NKAIN3: variants seen among roughly 807,000 people sequenced by gnomAD.
The protein encoded by NKAIN3 is sodium/potassium transporting ATPase interacting 3.
NKAIN3 carries 25 observed loss-of-function variants against 30.2 expected under a neutral mutation model. The observed-to-expected ratio is 0.83, with a 90% confidence interval of 0.60 to 1.16. NKAIN3 has a LOEUF of 1.16. NKAIN3 is among the 50% of genes most tolerant of loss of function. The pLI, the probability that NKAIN3 is intolerant of heterozygous loss-of-function variation, is 0.00. For synonymous variants in NKAIN3, 91 were observed against 89.6 expected (o/e 1.02, Z -0.09); for missense variants, 225 against 254.1 (o/e 0.89, Z 0.78).
chr8:62,915,530 A>T (rs942306394), intron 4 of NKAIN3, among the ~76,000 whole-genome samples: 1 of 152,196 alleles, frequency 6.6e-6, no homozygotes, highest in Non-Finnish European at 1.5e-5. Flanking sequence ...CATTTCAGAC[A>T]CCTGGCCTTC....
chr8:62,923,083 G>A (rs1234122295), intron 5 of NKAIN3, among the ~76,000 whole-genome samples: 1 of 152,140 alleles, frequency 6.6e-6, no homozygotes, highest in Non-Finnish European at 1.5e-5. Context: ...AATCACTTGA[G>A]CTCAGCAATT....
chr8:62,320,459 A>G (rs1585675709), intron 1 of NKAIN3, among the ~76,000 whole-genome samples: 1 of 152,116 alleles, frequency 6.6e-6, no homozygotes, highest in South Asian at 2.1e-4. Context: ...ATGTTTTTGC[A>G]GTGGCTGGTA....
Position 62,520,769 on chromosome 8 carries a change from G to T in NKAIN3, c.55-58770G>T, listed in dbSNP as rs532647457. Reference sequence around the variant, plus strand: ...TGGCTCCCATCTTAGACAGCCAAAGGCCTTTTATTTTACTCAGATTTAGTG... The same window carrying T: ...TGGCTCCCATCTTAGACAGCCAAAGTCCTTTTATTTTACTCAGATTTAGTG... On this transcript the variant is annotated intron_variant, in intron 1 of 6. Transcript: ENST00000623646. Among the ~76,000 whole-genome samples, 78 of 152,108 alleles carry T rather than the reference G, an allele frequency of 5.1e-4. 1 individual carries two copies. The South Asian group carries it at 0.011, about 22-fold the overall frequency.
chr8:62,589,676 A>G, intron 2 of NKAIN3, 38 bp from the exon 3 acceptor site: 1 of 928,052 alleles, frequency 1.1e-6, no homozygotes, highest in Non-Finnish European at 1.7e-6. Context: ...TCATCTCCAT[A>G]TTTTTCTTCT....
At chr8:62,359,987 G>C (rs1816495570) in intron 1 of NKAIN3, among the ~76,000 whole-genome samples, 1 of 152,164 alleles carries the variant, frequency 6.6e-6, no homozygotes, top group Admixed American at 6.5e-5. Context: ...AGCAACCTCA[G>C]CCACAATGTG....
At chr8:62,832,866 T>C (rs976385526) in intron 4 of NKAIN3, among the ~76,000 whole-genome samples, 1 of 152,002 alleles carries the variant, frequency 6.6e-6, no homozygotes, top group South Asian at 2.1e-4. Context: ...ACAGAATATT[T>C]CACCCATCAA....
rs185273789 is a variant in NKAIN3 at position 62,921,642 on chromosome 8, G to A, written c.532+3129G>A. Reference sequence around the variant, plus strand: ...GTGCTAGGTGGGGTCAGAGCTTCTCGTCATTCATTCTAATGAAAAAGCTTA... The same window carrying A: ...GTGCTAGGTGGGGTCAGAGCTTCTCATCATTCATTCTAATGAAAAAGCTTA... On this transcript the variant is annotated intron_variant, in intron 5 of 6. Transcript: ENST00000623646. 1.7e-3 allele frequency among the ~76,000 whole-genome samples: 262 copies of A among 152,148 alleles called. 1 individual carries two copies. Among genetic ancestry groups the A allele is most frequent in the African/African-American group, 6.0e-3 (250 of 41,512 alleles).
At chr8:62,505,967 A>G (rs544924333) in intron 1 of NKAIN3, among the ~76,000 whole-genome samples, 3 of 152,236 alleles carry the variant, frequency 2.0e-5, no homozygotes, top group Admixed American at 2.0e-4. Context: ...GAGGCAACCC[A>G]TATTCCTTGA....
At chr8:62,714,252 T>A (rs1814817985) in intron 3 of NKAIN3, among the ~76,000 whole-genome samples, 1 of 152,050 alleles carries the variant, frequency 6.6e-6, no homozygotes, top group African/African-American at 2.4e-5. Context: ...GCATTATTTT[T>A]AATGTATATG....
At chr8:62,929,625 C>A (rs1822558404) in intron 5 of NKAIN3, among the ~76,000 whole-genome samples, 1 of 152,140 alleles carries the variant, frequency 6.6e-6, no homozygotes, top group Admixed American at 6.5e-5. Context: ...ATGAGGGAGG[C>A]TTTTCTGCCC....
At chr8:62,955,273 G>C (rs1823390969) in intron 6 of NKAIN3, among the ~76,000 whole-genome samples, 1 of 152,196 alleles carries the variant, frequency 6.6e-6, no homozygotes, top group African/African-American at 2.4e-5. Context: ...AATTTGGAAA[G>C]AACATTCACC....
intron 1 of NKAIN3, among the ~76,000 whole-genome samples, chr8:62,510,816 C>T (rs1055661363): frequency 6.6e-6 from 1 of 151,936 alleles, no homozygotes; most frequent in African/African-American, 2.4e-5. Context: ...TAGTCTTTTT[C>T]CTTGACCTCT....
intron 4 of NKAIN3, among the ~76,000 whole-genome samples, chr8:62,866,895 A>AAAAAAT (rs1185672517): frequency 1.4e-5 from 2 of 145,356 alleles, no homozygotes; most frequent in Non-Finnish European, 3.0e-5. Flanking sequence ...AAATACAAAA[A>AAAAAAT]AAAAAAAAAA....
intron 1 of NKAIN3, among the ~76,000 whole-genome samples, chr8:62,467,689 A>G (rs1405157632): frequency 6.6e-6 from 1 of 152,202 alleles, no homozygotes; most frequent in African/African-American, 2.4e-5. Flanking sequence ...TTTTACATCA[A>G]AGAGAGTAAC....
chr8:62,684,020 T>C (rs1563515047), intron 3 of NKAIN3, among the ~76,000 whole-genome samples: 2 of 152,074 alleles, frequency 1.3e-5, no homozygotes, highest in Non-Finnish European at 2.9e-5. Flanking sequence ...TCTGCCCAAC[T>C]CCCACTACAA....
intron 1 of NKAIN3, among the ~76,000 whole-genome samples, chr8:62,369,245 G>T (rs1816832661): frequency 6.6e-6 from 1 of 152,000 alleles, no homozygotes; most frequent in Non-Finnish European, 1.5e-5. Flanking sequence ...GCCCTTTCTG[G>T]TATAAAGACA....
At chr8:62,337,624 A>T (rs1212024392) in intron 1 of NKAIN3, among the ~76,000 whole-genome samples, 4 of 151,852 alleles carry the variant, frequency 2.6e-5, no homozygotes, top group African/African-American at 9.7e-5. Flanking sequence ...TCACACACAT[A>T]TGTGTGTACA....
At chr8:62,349,192 C>T (rs1009038752) in intron 1 of NKAIN3, among the ~76,000 whole-genome samples, 6 of 152,096 alleles carry the variant, frequency 3.9e-5, no homozygotes, top group Non-Finnish European at 7.4e-5. Context: ...AATTGTGCAA[C>T]GAAATTTGTG....
rs1275854567 is a variant in NKAIN3, at chr8:62,982,756, T to C, written c.*17349T>C. The C allele has an allele frequency of 6.6e-6, 1 of 152,132 alleles. No individual in the cohort carries two copies. Among genetic ancestry groups the C allele is most frequent in the Non-Finnish European group, 1.5e-5 (1 of 68,028 alleles). 9.4% of individuals were successfully genotyped at this position (152,132 alleles called of 1,614,324 possible). The stretch of plus-strand genomic sequence containing the variant: ...TCCAAAGTTATCAAAATCCCAGGAA[T>C]ATTTCACAGAAAAGAGAAGCATTTA... On this transcript the variant is annotated 3_prime_UTR_variant, in exon 7 of 7. Coordinates refer to ENST00000623646, the MANE Select transcript of NKAIN3 (RefSeq NM_001304533.3).
Sources: gnomAD v4.1 joint callset for allele counts (sites outside exome capture counted in the v4.1 genomes callset) on GRCh38, gnomAD v4.1.1 for gene constraint, MANE v1.5 for transcripts, NCBI Gene and HGNC (gene_info 2026-07-23, HGNC 2026-07-21) for gene names.